Variants in TNFSF4 observed in about 807,000 individuals in gnomAD.
TNFSF4 encodes the protein tumor necrosis factor ligand superfamily member 4.
TNFSF4 carries 4 observed loss-of-function variants against 7.3 expected under a neutral mutation model. That is an observed-to-expected ratio of 0.55 (90% CI 0.27 to 1.25). The LOEUF is 1.25. TNFSF4 is among the 50% of genes most tolerant of loss of function. TNFSF4 has a pLI of 0.12. For synonymous variants in TNFSF4, 76 were observed against 83.7 expected (o/e 0.91, Z 0.50); for missense variants, 181 against 208.8 (o/e 0.87, Z 0.82).
chr1:173,236,941 C>A, the TNFSF4 span, among the ~76,000 whole-genome samples: 1 of 152,136 alleles, frequency 6.6e-6, no homozygotes, highest in East Asian at 1.9e-4. Flanking sequence ...CCACCAAAAT[C>A]TCACCTTGAA....
the TNFSF4 span, among the ~76,000 whole-genome samples, chr1:173,379,342 C>G: frequency 5.9e-5 from 9 of 151,856 alleles, no homozygotes; most frequent in Non-Finnish European, 1.3e-4. Flanking sequence ...TAGGAAATAG[C>G]CCAGGTACAT....
the TNFSF4 span, among the ~76,000 whole-genome samples, chr1:173,321,411 G>A: frequency 1.3e-5 from 2 of 152,148 alleles, no homozygotes; most frequent in Non-Finnish European, 2.9e-5. Flanking sequence ...TCAGGACATA[G>A]GCATGGGCAA....
chr1:173,304,459 AC>A, the TNFSF4 span, among the ~76,000 whole-genome samples: 25 of 152,104 alleles, frequency 1.6e-4, no homozygotes, highest in Admixed American at 1.4e-3. Flanking sequence ...AGGGGAAAAT[AC>A]AGGATAAGGA....
At chr1:173,313,390 T>A in the TNFSF4 span, among the ~76,000 whole-genome samples, 1 of 152,144 alleles carries the variant, frequency 6.6e-6, no homozygotes, top group Non-Finnish European at 1.5e-5. Flanking sequence ...AGTTTTGTTT[T>A]AAACTATATG....
chr1:173,251,555 G>C, the TNFSF4 span, among the ~76,000 whole-genome samples: 6 of 152,214 alleles, frequency 3.9e-5, no homozygotes, highest in South Asian at 2.1e-4. Flanking sequence ...AGGGGCCAGG[G>C]GGAGGGTATG....
chr1:173,252,263 C>T, the TNFSF4 span, among the ~76,000 whole-genome samples: 3 of 151,970 alleles, frequency 2.0e-5, no homozygotes, highest in Non-Finnish European at 4.4e-5. Context: ...TAAAGTCTTC[C>T]AGAAAGTCTA....
At chr1:173,355,554 TC>T in the TNFSF4 span, among the ~76,000 whole-genome samples, 38 of 152,128 alleles carry the variant, frequency 2.5e-4, no homozygotes, top group Non-Finnish European at 4.6e-4. Context: ...GAGGGCTGTC[TC>T]CAAAAGAATT....
At chr1:173,418,606 T>C in the TNFSF4 span, 6 of 150,706 alleles carry the variant, frequency 4.0e-5, no homozygotes, top group Admixed American at 6.6e-5. Context: ...CTTGTAGGCG[T>C]CTTGAAAACT....
At chr1:173,253,422 G>A in the TNFSF4 span, among the ~76,000 whole-genome samples, 1 of 152,190 alleles carries the variant, frequency 6.6e-6, no homozygotes, top group Admixed American at 6.5e-5. Flanking sequence ...GCTGGCAAAG[G>A]GTTCTCCTAG....
At chr1:173,313,353 A>T in the TNFSF4 span, among the ~76,000 whole-genome samples, 4 of 152,178 alleles carry the variant, frequency 2.6e-5, no homozygotes, top group Non-Finnish European at 4.4e-5. Context: ...AATAAAACCT[A>T]ACATTCTCAA....
At chr1:173,250,750 C>T in the TNFSF4 span, among the ~76,000 whole-genome samples, 1 of 152,148 alleles carries the variant, frequency 6.6e-6, no homozygotes, top group African/African-American at 2.4e-5. Flanking sequence ...TGAGCCACCG[C>T]GCCCGGCCTC....
the TNFSF4 span, among the ~76,000 whole-genome samples, chr1:173,177,128 G>C: frequency 6.6e-6 from 1 of 151,762 alleles, no homozygotes; most frequent in Non-Finnish European, 1.5e-5. Context: ...TAAAATAAAA[G>C]TTTTAAAAAT....
At chr1:173,382,569 T>C in the TNFSF4 span, among the ~76,000 whole-genome samples, 1 of 152,216 alleles carries the variant, frequency 6.6e-6, no homozygotes, top group Non-Finnish European at 1.5e-5. Flanking sequence ...ACTTAAAGTA[T>C]AATTTTTTAA....
chr1:173,398,643 G>A, the TNFSF4 span, among the ~76,000 whole-genome samples: 200 of 151,804 alleles, frequency 1.3e-3, 1 homozygote, highest in Middle Eastern at 3.4e-3. Context: ...AGCCAGGATG[G>A]TCTTGATCTC....
the TNFSF4 span, among the ~76,000 whole-genome samples, chr1:173,241,603 G>A: frequency 3.2e-4 from 48 of 152,344 alleles, no homozygotes; most frequent in Middle Eastern, 6.8e-3. Context: ...CTGAGCACAT[G>A]ATGTCTGAAA....
At chr1:173,310,582 G>A in the TNFSF4 span, among the ~76,000 whole-genome samples, 25 of 151,100 alleles carry the variant, frequency 1.7e-4, no homozygotes, top group South Asian at 2.1e-4. Context: ...GTGTAGGCTC[G>A]TAAAGAACGT....
the TNFSF4 span, chr1:173,175,463 T>C: frequency 2.0e-5 from 3 of 152,240 alleles, no homozygotes; most frequent in African/African-American, 7.2e-5. Flanking sequence ...AAATCTACAT[T>C]CTTGAAAGGC....
At chr1:173,291,223 G>A in the TNFSF4 span, among the ~76,000 whole-genome samples, 2 of 152,068 alleles carry the variant, frequency 1.3e-5, no homozygotes, top group African/African-American at 4.8e-5. Context: ...GCGGATGGGA[G>A]GAGGCGCCAC....
the TNFSF4 span, among the ~76,000 whole-genome samples, chr1:173,346,229 A>T: frequency 0.018 from 2,815 of 152,288 alleles, 97 homozygotes; most frequent in African/African-American, 0.065. Flanking sequence ...TTGCTTGAAC[A>T]TCATCAGAAA....
Sources: allele counts gnomAD v4.1 joint callset (sites outside exome capture counted in the v4.1 genomes callset), GRCh38; gene constraint gnomAD v4.1.1; transcripts MANE v1.5; gene names NCBI Gene and HGNC (gene_info 2026-07-23, HGNC 2026-07-21).